The following ATRNL1 variants were observed in gnomAD, a reference collection of about 807,000 sequenced individuals.
The protein encoded by ATRNL1 is attractin like 1.
A neutral mutation model predicts 182.7 loss-of-function variants in ATRNL1; 95 were observed. The ratio of observed to expected loss-of-function variants is 0.52; its 90% CI spans 0.44 to 0.62. ATRNL1 has a LOEUF of 0.62. Ranked by LOEUF, ATRNL1 falls within the 20% of genes least tolerant of loss-of-function variation. The pLI is 0.00. For synonymous variants in ATRNL1, 576 were observed against 568.3 expected (o/e 1.01, Z -0.19); for missense variants, 1,471 against 1,679.5 (o/e 0.88, Z 2.17).
At chr10:115,342,819 GTCTT>G (rs1389453924) in intron 19 of ATRNL1, among the ~76,000 whole-genome samples, 1 of 151,982 alleles carries the variant, frequency 6.6e-6, no homozygotes. Context: ...GTCTGGGAAA[GTCTT>G]TATTTCTCCT....
intron 15 of ATRNL1, among the ~76,000 whole-genome samples, chr10:115,299,308 G>T (rs1454522099): frequency 1.3e-5 from 2 of 151,854 alleles, no homozygotes; most frequent in South Asian, 2.1e-4. Flanking sequence ...ATATGGTAAA[G>T]ATTTTTATTT....
intron 20 of ATRNL1, among the ~76,000 whole-genome samples, chr10:115,411,006 G>C (rs1845112663): frequency 6.6e-6 from 1 of 152,096 alleles, no homozygotes; most frequent in South Asian, 2.1e-4. Flanking sequence ...AAAGTACTGG[G>C]ACTACAGGCA....
chr10:115,499,035 C>G (rs1330990108), intron 24 of ATRNL1, among the ~76,000 whole-genome samples: 1 of 151,838 alleles, frequency 6.6e-6, no homozygotes, highest in Non-Finnish European at 1.5e-5. Context: ...GTGTTAAAAG[C>G]AAAAATTGCT....
At chr10:115,388,273 T>C (rs1843775592) in intron 19 of ATRNL1, among the ~76,000 whole-genome samples, 1 of 152,194 alleles carries the variant, frequency 6.6e-6, no homozygotes, top group African/African-American at 2.4e-5. Context: ...CCTTACTCCT[T>C]ATGTCTTCTG....
chr10:115,202,153 G>A lies in ATRNL1; in HGVS notation c.1349-13544G>A, dbSNP rs558260141. Among the ~76,000 whole-genome samples, 104 of 150,352 alleles carry A rather than the reference G, an allele frequency of 6.9e-4. 2 individuals are homozygous for A. The South Asian group carries it at 0.021, about 31-fold the overall frequency. On this transcript the variant is annotated intron_variant, in intron 8 of 28. Transcript: ENST00000355044. ...TGGGCTGAGGCAATGGGGTTTTCTA[G>A]ATATACAATCATGTCATCTGCAAAC...
At chr10:115,753,943 T>C (rs1948516449) in intron 27 of ATRNL1, among the ~76,000 whole-genome samples, 1 of 152,244 alleles carries the variant, frequency 6.6e-6, no homozygotes, top group Non-Finnish European at 1.5e-5. Flanking sequence ...TGAGCATTTT[T>C]TCATATGTTT....
At chr10:115,683,390 A>AT (rs1294452684) in intron 26 of ATRNL1, among the ~76,000 whole-genome samples, 1 of 151,936 alleles carries the variant, frequency 6.6e-6, no homozygotes, top group Non-Finnish European at 1.5e-5. Flanking sequence ...TTTCTCAAAC[A>AT]TTAAGTTAAT....
chr10:115,557,943 G>A (rs1292520365), intron 26 of ATRNL1, among the ~76,000 whole-genome samples: 2 of 151,944 alleles, frequency 1.3e-5, no homozygotes, highest in Non-Finnish European at 2.9e-5. Flanking sequence ...TACTTGGGAG[G>A]CTGAGGCAGG....
At chr10:115,226,717 G>A (rs910730912) in intron 9 of ATRNL1, among the ~76,000 whole-genome samples, 4 of 152,012 alleles carry the variant, frequency 2.6e-5, no homozygotes, top group Admixed American at 6.6e-5. Context: ...CATGATACAG[G>A]TAGAAAAATG....
rs561342472 is a variant in ATRNL1, at chr10:115,259,501, C to T, written c.1688-5692C>T. On this transcript the variant is annotated intron_variant, in intron 10 of 28. Transcript: ENST00000355044. ...GCGCAGTATTTGGGTGGGAGTGTCCCGTTTTTCCAGGTAGTCTGTCACAGC... is the reference window on the plus strand; with the variant it reads ...GCGCAGTATTTGGGTGGGAGTGTCCTGTTTTTCCAGGTAGTCTGTCACAGC... 1.2e-4 allele frequency among the ~76,000 whole-genome samples: 19 copies of T among 152,258 alleles called. No individual in the cohort carries two copies. In the South Asian group the frequency reaches 2.7e-3, roughly 22 times the overall value.
At chr10:115,850,506 C>T (rs2960655) in intron 28 of ATRNL1, among the ~76,000 whole-genome samples, 152,116 of 152,294 alleles carry the variant, frequency 1, 75,969 homozygotes, top group Non-Finnish European at 1. Flanking sequence ...GGAAATATAT[C>T]CCAGTGATTA....
chr10:115,736,777 TA>T (rs1373146217), intron 27 of ATRNL1, among the ~76,000 whole-genome samples: 1 of 152,148 alleles, frequency 6.6e-6, no homozygotes. Flanking sequence ...ATTTATTTAT[TA>T]TTTTTTTGAG....
At chr10:115,575,553 G>A (rs1565179345) in intron 26 of ATRNL1, among the ~76,000 whole-genome samples, 1 of 152,042 alleles carries the variant, frequency 6.6e-6, no homozygotes, top group Non-Finnish European at 1.5e-5. Flanking sequence ...GTTCCTGTTA[G>A]TGTTTTCCAA....
intron 5 of ATRNL1, among the ~76,000 whole-genome samples, chr10:115,141,826 CT>C (rs1363992248): frequency 6.6e-6 from 1 of 152,100 alleles, no homozygotes; most frequent in Admixed American, 6.5e-5. Flanking sequence ...GCAGATCTGA[CT>C]TTTTTGTGAG....
At chr10:115,626,795 T>A (rs782224231) in intron 26 of ATRNL1, among the ~76,000 whole-genome samples, 6 of 152,186 alleles carry the variant, frequency 3.9e-5, no homozygotes, top group Non-Finnish European at 8.8e-5. Context: ...TATTGTATTA[T>A]TGTTGATTTA....
intron 5 of ATRNL1, among the ~76,000 whole-genome samples, chr10:115,133,854 A>G (rs1845380448): frequency 6.6e-6 from 1 of 152,158 alleles, no homozygotes; most frequent in Non-Finnish European, 1.5e-5. Context: ...TGTCTCTCAG[A>G]CCACAGTGCA....
intron 8 of ATRNL1, among the ~76,000 whole-genome samples, chr10:115,175,725 ATATCT>A (rs1847477154): frequency 1.3e-5 from 2 of 152,186 alleles, no homozygotes; most frequent in African/African-American, 4.8e-5. Flanking sequence ...AGAAAAATTA[ATATCT>A]TACTTTACTT....
At chr10:115,438,501 T>A (rs1160088348) in intron 21 of ATRNL1, among the ~76,000 whole-genome samples, 2 of 151,986 alleles carry the variant, frequency 1.3e-5, no homozygotes, top group Non-Finnish European at 2.9e-5. Flanking sequence ...TTCCACCTAA[T>A]CATTAGTTTT....
chr10:115,197,248 C>A (rs536181268), intron 8 of ATRNL1, among the ~76,000 whole-genome samples: 1 of 151,798 alleles, frequency 6.6e-6, no homozygotes, highest in Non-Finnish European at 1.5e-5. Flanking sequence ...AATATATTAT[C>A]CTTTTCATAT....
Sources: gnomAD v4.1 joint callset for allele counts (sites outside exome capture counted in the v4.1 genomes callset) on GRCh38, gnomAD v4.1.1 for gene constraint, MANE v1.5 for transcripts, NCBI Gene and HGNC (gene_info 2026-07-23, HGNC 2026-07-21) for gene names.